MOXD1: variants seen among roughly 807,000 people sequenced by gnomAD.
The protein encoded by MOXD1 is monooxygenase DBH like 1.
A neutral mutation model predicts 66.6 loss-of-function variants in MOXD1; 62 were observed. That is an observed-to-expected ratio of 0.93 (90% CI 0.76 to 1.15). The LOEUF is 1.15. Ranked by LOEUF, MOXD1 falls within the 50% of genes most tolerant of loss-of-function variation. The pLI is 0.00. For missense variants in MOXD1, 847 were observed against 754.6 expected (o/e 1.12, Z -1.44); for synonymous variants, 303 against 281.9 (o/e 1.07, Z -0.75).
chr6:132,380,800 G>A (rs949051685), intron 1 of MOXD1, among the ~76,000 whole-genome samples: 19 of 152,112 alleles, frequency 1.2e-4, no homozygotes, highest in African/African-American at 3.6e-4. Flanking sequence ...GGTTAAGACC[G>A]GATATGGATT....
chr6:132,312,787 G>T (rs1774858781), intron 10 of MOXD1, among the ~76,000 whole-genome samples: 1 of 150,592 alleles, frequency 6.6e-6, no homozygotes. Context: ...CATTTTTAGA[G>T]GCTTCATACC....
intron 4 of MOXD1, among the ~76,000 whole-genome samples, chr6:132,349,406 C>CATATATAT (rs539329852): frequency 1.8e-4 from 13 of 72,032 alleles, no homozygotes; most frequent in East Asian, 1.2e-3. Flanking sequence ...CATATATATA[C>CATATATAT]ATATATATAT....
chr6:132,299,875 G>A (rs1774491709), intron 10 of MOXD1, among the ~76,000 whole-genome samples: 1 of 150,132 alleles, frequency 6.7e-6, no homozygotes, highest in South Asian at 2.2e-4. Flanking sequence ...ATTTATTTAT[G>A]TCATTTCTCT....
At chr6:132,326,733 G>A (rs1345506419) in intron 6 of MOXD1, among the ~76,000 whole-genome samples, 3 of 152,062 alleles carry the variant, frequency 2.0e-5, no homozygotes, top group Admixed American at 6.6e-5. Context: ...GGATATAATT[G>A]GTGGGTGGAA....
intron 10 of MOXD1, among the ~76,000 whole-genome samples, chr6:132,310,542 C>A (rs1774805149): frequency 6.6e-6 from 1 of 152,144 alleles, no homozygotes; most frequent in Admixed American, 6.5e-5. Flanking sequence ...AAGACACATG[C>A]ACTTGTATGT....
intron 10 of MOXD1, among the ~76,000 whole-genome samples, chr6:132,306,178 T>G (rs2114536333): frequency 6.6e-6 from 1 of 152,220 alleles, no homozygotes; most frequent in South Asian, 2.1e-4. Context: ...AATGACTTGA[T>G]GAAGCTGAAA....
At chr6:132,344,809 A>G (rs1162907116) in intron 4 of MOXD1, among the ~76,000 whole-genome samples, 1 of 152,068 alleles carries the variant, frequency 6.6e-6, no homozygotes, top group Admixed American at 6.6e-5. Flanking sequence ...TGAGAGCACT[A>G]CCCAACTTTG....
chr6:132,337,891 C>A lies in MOXD1; in HGVS notation c.664-9297G>T, dbSNP rs144457611. On this transcript the variant is annotated intron_variant, in intron 4 of 11. Transcript: ENST00000367963. ...TTGAAATTAACATATCTATGGCCAA[C>A]AAGAAGTAGTTAATTTTAAATTCAT... Among the ~76,000 whole-genome samples, 597 of 152,198 alleles carry A rather than the reference C, an allele frequency of 3.9e-3. 4 individuals carry two copies. The highest frequency in any genetic ancestry group is 5.7e-3 in the Non-Finnish European group (388 of 68,010).
At chr6:132,391,672 A>G (rs1311681686) in intron 1 of MOXD1, 1 of 152,094 alleles carries the variant, frequency 6.6e-6, no homozygotes, top group Non-Finnish European at 1.5e-5. Flanking sequence ...TTATTTTAAT[A>G]TGGCTCTATT....
At chr6:132,378,475 A>G (rs1776440104) in intron 1 of MOXD1, among the ~76,000 whole-genome samples, 1 of 152,178 alleles carries the variant, frequency 6.6e-6, no homozygotes, top group Non-Finnish European at 1.5e-5. Flanking sequence ...TATCTACTTT[A>G]TGGAATCAAA....
At chr6:132,384,270 C>CTTCCT (rs1459978312) in intron 1 of MOXD1, among the ~76,000 whole-genome samples, 3 of 129,308 alleles carry the variant, frequency 2.3e-5, no homozygotes, top group African/African-American at 9.6e-5. Context: ...TCCTTCCTTC[C>CTTCCT]TTCCTTCCTT....
At chr6:132,335,494 A>G (rs676145) in intron 4 of MOXD1, among the ~76,000 whole-genome samples, 152,274 of 152,276 alleles carry the variant, frequency 1, 76,136 homozygotes, top group Middle Eastern at 1. Context: ...ACATAGATAC[A>G]TACAGAGAGA....
rs147013291 is a variant in MOXD1, at chr6:132,296,564, C to G, written c.*589G>C. On this transcript the variant is annotated 3_prime_UTR_variant, in exon 12 of 12. Coordinates refer to ENST00000367963, the MANE Select transcript of MOXD1 (RefSeq NM_015529.4). ...ATGGGTGTGGGGTCATTTGGGGTACCAACAGACTCAGATAAACAAGGGAAC... is the reference window on the plus strand; with the variant it reads ...ATGGGTGTGGGGTCATTTGGGGTACGAACAGACTCAGATAAACAAGGGAAC... 1.3e-5 allele frequency: 2 copies of G among 152,252 alleles called. No homozygotes were observed. The highest frequency in any genetic ancestry group is 4.8e-5 in the African/African-American group (2 of 41,496). 9.4% of individuals were successfully genotyped at this position (152,252 alleles called of 1,614,324 possible).
intron 4 of MOXD1, among the ~76,000 whole-genome samples, chr6:132,338,878 T>C (rs939132008): frequency 6.6e-6 from 1 of 152,222 alleles, no homozygotes; most frequent in African/African-American, 2.4e-5. Flanking sequence ...ACAAATACCT[T>C]GTAGGTGCTC....
At chr6:132,396,224 C>T (rs1249078234) in intron 1 of MOXD1, among the ~76,000 whole-genome samples, 1 of 151,670 alleles carries the variant, frequency 6.6e-6, no homozygotes, top group Admixed American at 6.6e-5. Flanking sequence ...AACTGGAAAC[C>T]AATAACAAGA....
intron 4 of MOXD1, among the ~76,000 whole-genome samples, chr6:132,340,859 A>G (rs907586747): frequency 2.0e-5 from 3 of 151,546 alleles, no homozygotes; most frequent in East Asian, 1.9e-4. Context: ...TGTTAGCCAG[A>G]ATGGTCTCGA....
chr6:132,345,040 A>T (rs936247451), intron 4 of MOXD1, among the ~76,000 whole-genome samples: 2 of 152,128 alleles, frequency 1.3e-5, no homozygotes, highest in African/African-American at 4.8e-5. Context: ...AGCCAGGCCA[A>T]CCCAGGGGCC....
intron 1 of MOXD1, among the ~76,000 whole-genome samples, chr6:132,398,935 CAAAA>C (rs150318811): frequency 6.7e-5 from 5 of 75,098 alleles, no homozygotes; most frequent in African/African-American, 8.6e-5. Flanking sequence ...GAGACTTTGT[CAAAA>C]AAAAAAAAAA....
chr6:132,386,580 C>T (rs1204857271), intron 1 of MOXD1, among the ~76,000 whole-genome samples: 1 of 151,408 alleles, frequency 6.6e-6, no homozygotes, highest in Non-Finnish European at 1.5e-5. Flanking sequence ...TTTATAGTTG[C>T]TAATGTCTTC....
Sources: allele counts gnomAD v4.1 joint callset (sites outside exome capture counted in the v4.1 genomes callset), GRCh38; gene constraint gnomAD v4.1.1; transcripts MANE v1.5; gene names NCBI Gene and HGNC (gene_info 2026-07-23, HGNC 2026-07-21).